Variants in APLF observed in about 807,000 individuals in gnomAD.
APLF encodes aprataxin and PNKP like factor, also known as aprataxin and PNK-like factor.
APLF carries 61 observed loss-of-function variants against 55.6 expected under a neutral mutation model. The observed-to-expected ratio is 1.10, with a 90% CI of 0.89 to 1.36. The LOEUF is 1.36. Among genes scored for constraint, APLF ranks in the 40% most tolerant of loss-of-function variants. The pLI is 0.00. For missense variants in APLF, 611 were observed against 602.5 expected (o/e 1.01, Z -0.15); for synonymous variants, 207 against 214.8 (o/e 0.96, Z 0.32).
At chr2:68,485,514 T>C (rs1418362785) in intron 1 of APLF, among the ~76,000 whole-genome samples, 2 of 152,202 alleles carry the variant, frequency 1.3e-5, no homozygotes, top group African/African-American at 4.8e-5. Context: ...GCAGTTAATC[T>C]ACCATTTCCT....
intron 6 of APLF, among the ~76,000 whole-genome samples, chr2:68,528,027 T>C (rs1432647072): frequency 8.0e-4 from 93 of 116,358 alleles, no homozygotes; most frequent in East Asian, 1.4e-3. Flanking sequence ...GGGCGGGGGC[T>C]AGGCAGAGGC....
intron 1 of APLF, among the ~76,000 whole-genome samples, chr2:68,471,043 C>G (rs554600578): frequency 6.6e-6 from 1 of 152,298 alleles, no homozygotes; most frequent in African/African-American, 2.4e-5. Flanking sequence ...CCTTACGTTT[C>G]TTTTATTTCT....
At chr2:68,478,393 T>C (rs1176392751) in intron 1 of APLF, among the ~76,000 whole-genome samples, 1 of 152,156 alleles carries the variant, frequency 6.6e-6, no homozygotes, top group Non-Finnish European at 1.5e-5. Context: ...GTATTGAAAA[T>C]GCAATTTTTA....
intron 1 of APLF, among the ~76,000 whole-genome samples, chr2:68,470,279 A>G (rs1675576087): frequency 6.6e-6 from 1 of 152,250 alleles, no homozygotes. Context: ...TCAAAAATGG[A>G]GAACAGATTA....
chr2:68,501,195 A>T (rs1346777985), intron 2 of APLF, among the ~76,000 whole-genome samples: 4 of 152,172 alleles, frequency 2.6e-5, no homozygotes, highest in Non-Finnish European at 4.4e-5. Context: ...AAAGGATAGA[A>T]ATATGATGTA....
rs546980233 is a variant in APLF at position 68,537,350 on chromosome 2, G to A, written c.805-522G>A. Among the ~76,000 whole-genome samples the A allele has an allele frequency of 2.2e-4, 33 of 151,288 alleles. No individual in the cohort carries two copies. The South Asian group carries it at 6.5e-3, about 30-fold the overall frequency. ...ATGATTGTAAAGGTTTGATACAACT[G>A]TAAATTTCTTTTCTTTCCTTTTTTT... On this transcript the variant is annotated intron_variant, in intron 6 of 9. Transcript: ENST00000303795.
chr2:68,538,465 G>T (rs1429786474), intron 7 of APLF, among the ~76,000 whole-genome samples: 1 of 152,106 alleles, frequency 6.6e-6, no homozygotes, highest in Non-Finnish European at 1.5e-5. Context: ...CTAATGTGAG[G>T]ATCTGAATAC....
At chr2:68,518,587 T>TTA (rs1248183322) in intron 5 of APLF, among the ~76,000 whole-genome samples, 1 of 122,778 alleles carries the variant, frequency 8.1e-6, no homozygotes, top group African/African-American at 3.2e-5. Context: ...ATCAATAATA[T>TTA]ATCATGAATA....
intron 1 of APLF, among the ~76,000 whole-genome samples, chr2:68,475,856 C>G (rs1395004504): frequency 6.6e-6 from 1 of 150,988 alleles, no homozygotes; most frequent in Admixed American, 6.6e-5. Context: ...TTTATAGTAA[C>G]CAGTCTGGAT....
At chr2:68,573,614 A>G (rs1671542588) in intron 9 of APLF, among the ~76,000 whole-genome samples, 1 of 150,580 alleles carries the variant, frequency 6.6e-6, no homozygotes, top group African/African-American at 2.5e-5. Flanking sequence ...CAGAGGTTGC[A>G]GTGAGCCGAG....
At chr2:68,559,378 C>T (rs1671104974) in intron 8 of APLF, among the ~76,000 whole-genome samples, 2 of 152,112 alleles carry the variant, frequency 1.3e-5, no homozygotes, top group Non-Finnish European at 2.9e-5. Context: ...CCTTTCTGTT[C>T]TTATTTCTTA....
chr2:68,468,152 CAA>C (rs938801885), intron 1 of APLF, among the ~76,000 whole-genome samples: 17 of 152,064 alleles, frequency 1.1e-4, no homozygotes, highest in African/African-American at 3.9e-4. Flanking sequence ...AAAATGTAAA[CAA>C]AAAATCTACT....
At chr2:68,550,037 C>T (rs1670812685) in intron 8 of APLF, among the ~76,000 whole-genome samples, 1 of 151,944 alleles carries the variant, frequency 6.6e-6, no homozygotes, top group African/African-American at 2.4e-5. Context: ...AAGTGGAATC[C>T]TTGTTTTGTC....
intron 8 of APLF, among the ~76,000 whole-genome samples, chr2:68,549,028 T>C (rs1670785327): frequency 6.6e-6 from 1 of 152,174 alleles, no homozygotes; most frequent in South Asian, 2.1e-4. Flanking sequence ...TAAATAAATC[T>C]TTAATATTAT....
intron 5 of APLF, among the ~76,000 whole-genome samples, chr2:68,518,297 ATATAT>A (rs1035706226): frequency 1.2e-4 from 14 of 114,778 alleles, no homozygotes; most frequent in South Asian, 5.0e-4. Flanking sequence ...TAATATATTA[ATATAT>A]TATATATTAT....
intron 1 of APLF, among the ~76,000 whole-genome samples, chr2:68,481,348 C>T (rs1675949685): frequency 7.1e-6 from 1 of 140,514 alleles, no homozygotes; most frequent in African/African-American, 2.7e-5. Context: ...TACTGGGTAT[C>T]ATCTGGGCTG....
chr2:68,539,971 C>T (rs1388218693), intron 7 of APLF, among the ~76,000 whole-genome samples: 2 of 152,092 alleles, frequency 1.3e-5, no homozygotes, highest in Admixed American at 1.3e-4. Context: ...TTACAGGTGA[C>T]ATGATTGTAT....
rs1003292095 is a variant in APLF, at chr2:68,500,947, GT to G, written c.169-1783del. ...GAAATTAGGAGTGGCTGTTAGCATG[GT>G]GAAAGATTTCTAAACATTGTTTAAA... On this transcript the variant is annotated intron_variant, in intron 2 of 9. Coordinates refer to ENST00000303795, the MANE Select transcript of APLF (RefSeq NM_173545.3). Among the ~76,000 whole-genome samples the G allele has an allele frequency of 1.1e-4, 17 of 152,300 alleles. No homozygotes were observed. The Middle Eastern group carries it at 0.01, about 91-fold the overall frequency.
chr2:68,496,076 G>C (rs113700982), intron 2 of APLF, among the ~76,000 whole-genome samples: 1 of 152,070 alleles, frequency 6.6e-6, no homozygotes, highest in Non-Finnish European at 1.5e-5. Context: ...CCATTGTCTT[G>C]GATATTAGAA....
Sources: allele counts gnomAD v4.1 joint callset (sites outside exome capture counted in the v4.1 genomes callset), GRCh38; gene constraint gnomAD v4.1.1; transcripts MANE v1.5; gene names NCBI Gene and HGNC (gene_info 2026-07-23, HGNC 2026-07-21).